KLHL12: variants seen among roughly 807,000 people sequenced by gnomAD.
The protein encoded by KLHL12 is kelch like family member 12, also known as kelch-like protein 12.
Under a neutral mutation model 60.8 loss-of-function variants are expected in KLHL12, and 17 were observed. The observed-to-expected ratio is 0.28, with a 90% CI of 0.19 to 0.42. The LOEUF (loss-of-function observed/expected upper bound fraction) is 0.42, where lower values mean the gene tolerates loss of function less well. KLHL12 is among the 10% of genes least tolerant of loss of function. KLHL12 has a pLI of 1.00. For missense variants in KLHL12, 468 were observed against 722.3 expected (o/e 0.65, Z 4.04); for synonymous variants, 220 against 250.9 (o/e 0.88, Z 1.16).
In KLHL12 at chr1:202,910,957, G is replaced by T. The variant is rs1660333188; in HGVS notation, c.717+97C>A. On this transcript the variant is annotated intron_variant, in intron 5 of 11. Coordinates refer to ENST00000367261, the MANE Select transcript of KLHL12 (RefSeq NM_021633.4). ...GCATTCCTAGAGAGGCAAAACAGGA[G>T]ACTCTGTGCCTACATTAAAATACTC... 6 of 1,356,510 alleles carry T rather than the reference G, an allele frequency of 4.4e-6. No homozygotes were observed. The Admixed American group carries it at 9.4e-5, about 21-fold the overall frequency. The allele number at this position is 1,356,510 out of a possible 1,614,324, so 84.0% of individuals were successfully genotyped here. A position where few individuals can be genotyped will look rare whatever the true frequency, so the allele number is the denominator to read the frequency against.
chr1:202,897,076 G>A lies in KLHL12; in HGVS notation c.833-116C>T, dbSNP rs1659857437. ...GATGTCTTGTTTTATGTGGCTGAGG[G>A]ATGCAATCCGAAATGGGAGATAATC... On this transcript the variant is annotated intron_variant, in intron 6 of 11. Coordinates refer to ENST00000367261, the MANE Select transcript of KLHL12 (RefSeq NM_021633.4). 3 of 788,528 alleles carry A rather than the reference G, an allele frequency of 3.8e-6. No individual in the cohort carries two copies. The African/African-American group carries it at 5.1e-5, about 13-fold the overall frequency. 48.8% of individuals were successfully genotyped at this position (788,528 alleles called of 1,614,324 possible).
intron 1 of KLHL12, 31 bp from the exon 2 acceptor site, chr1:202,925,238 A>C: frequency 6.3e-7 from 1 of 1,593,360 alleles, no homozygotes; most frequent in Non-Finnish European, 8.5e-7. Context: ...CAATGAGCAT[A>C]TTCAAAGAAC....
chr1:202,920,039 C>A (rs1010945619), intron 2 of KLHL12, 131 bp from the exon 3 acceptor site: 15 of 827,370 alleles, frequency 1.8e-5, no homozygotes, highest in Non-Finnish European at 2.6e-5. Context: ...ACAGGCCAGG[C>A]GTGGTGGCTC....
At chr1:202,918,432 G>A (rs374183317) in intron 3 of KLHL12, 44 bp from the exon 4 acceptor site, 752 of 1,436,640 alleles carry the variant, frequency 5.2e-4, no homozygotes, top group Non-Finnish European at 7.2e-4. Context: ...TAGTTGGACA[G>A]GTGTGATCTA....
intron 7 of KLHL12, among the ~76,000 whole-genome samples, chr1:202,896,510 G>A (rs550247475): frequency 6.6e-6 from 1 of 152,250 alleles, no homozygotes; most frequent in Admixed American, 6.5e-5. Flanking sequence ...GAGCTCAACT[G>A]AACACTGGGT....
intron 4 of KLHL12, chr1:202,912,602 G>A (rs1660399072): frequency 3.8e-6 from 5 of 1,320,978 alleles, no homozygotes; most frequent in Non-Finnish European, 4.3e-6. Flanking sequence ...CATGAAGGGA[G>A]GAAACTTTGG....
chr1:202,903,521 G>C (rs936915386), intron 6 of KLHL12, among the ~76,000 whole-genome samples: 1 of 146,422 alleles, frequency 6.8e-6, no homozygotes, highest in Non-Finnish European at 1.5e-5. Context: ...GTGCACTGGT[G>C]CAATTATGGT....
At chr1:202,920,369 A>ATTTTTGTTTTT (rs1660650547) in intron 2 of KLHL12, among the ~76,000 whole-genome samples, 1 of 83,806 alleles carries the variant, frequency 1.2e-5, no homozygotes, top group Non-Finnish European at 2.1e-5. Flanking sequence ...ATTTTGTTGG[A>ATTTTTGTTTTT]TTTTTTTTTT....
Position 202,907,865 on chromosome 1 carries a change from G to A in KLHL12, c.832+1145C>T, listed in dbSNP as rs373842247. Among the ~76,000 whole-genome samples, 40 of 151,408 alleles carry A rather than the reference G, an allele frequency of 2.6e-4. No homozygotes were observed. The South Asian group carries it at 5.2e-3, about 20-fold the overall frequency. ...TAAGGCTGCAGTGAACCGAGATCAC[G>A]CCACTGCACTCCACCCTGGGCAACA... On this transcript the variant is annotated intron_variant, in intron 6 of 11. Transcript: ENST00000367261.
chr1:202,927,117 C>T lies in KLHL12; in HGVS notation c.-74G>A, dbSNP rs1653608988. 1 of 985,512 alleles carries T rather than the reference C, an allele frequency of 1.0e-6. No individual in the cohort carries two copies. The highest frequency in any genetic ancestry group is 1.2e-6 in the Non-Finnish European group (1 of 830,042). The allele number at this position is 985,512 out of a possible 1,614,324, so 61.0% of individuals were successfully genotyped here. A position where few individuals can be genotyped will look rare whatever the true frequency, so the allele number is the denominator to read the frequency against. On this transcript the variant is annotated 5_prime_UTR_variant, in exon 1 of 12. Transcript: ENST00000367261. ...CGCTCCCGAACCCACACAGCCGCAC[C>T]GGGCCCGTCCCCAGCCTGTGGGGAT...
At position 202,919,926 on chromosome 1, in the gene KLHL12, A is replaced by G; in HGVS notation, c.196-18T>C. 8 of 1,607,408 alleles carry G rather than the reference A, an allele frequency of 5.0e-6. No homozygotes were observed. The highest frequency in any genetic ancestry group is 6.8e-6 in the Non-Finnish European group (8 of 1,174,560). On this transcript the variant is annotated intron_variant, in intron 2 of 11. Transcript: ENST00000367261. ...TCTGAGAGCTGAAAATTCAAAAGGT[A>G]TAAAAGAATGATGGTTATAATTCCA...
chr1:202,896,568 C>G (rs943286973), intron 7 of KLHL12, among the ~76,000 whole-genome samples: 2 of 152,174 alleles, frequency 1.3e-5, no homozygotes, highest in Non-Finnish European at 2.9e-5. Context: ...ACAGCACGAC[C>G]AATGAAATGT....
At chr1:202,924,885 C>A (rs1339329699) in intron 2 of KLHL12, 83 bp downstream of exon 2, 1 of 1,498,524 alleles carries the variant, frequency 6.7e-7, no homozygotes. Context: ...AAAATTATAT[C>A]AAACTTCCAC....
chr1:202,924,658 T>C (rs1653433375), intron 2 of KLHL12, among the ~76,000 whole-genome samples: 1 of 152,160 alleles, frequency 6.6e-6, no homozygotes, highest in Admixed American at 6.5e-5. Flanking sequence ...ATTTAAGAAA[T>C]AGTAAAATCC....
At position 202,893,977 on chromosome 1, in the gene KLHL12, C is replaced by A. The variant is rs1659753164; in HGVS notation, c.1393+207G>T. On this transcript the variant is annotated intron_variant, in intron 10 of 11. Coordinates refer to ENST00000367261, the MANE Select transcript of KLHL12 (RefSeq NM_021633.4). The surrounding 1 kb of genome is among the most constrained non-coding windows in gnomAD (Gnocchi z 4.1). ...GATATTCTAAAACGTAGGGAGAGAA[C>A]AAAGACATGAAGGCTTTTGCTTTCA... Among the ~76,000 whole-genome samples the A allele has an allele frequency of 6.6e-6, 1 of 152,108 alleles. No homozygotes were observed. Among genetic ancestry groups the A allele is most frequent in the African/African-American group, 2.4e-5 (1 of 41,400 alleles).
intron 2 of KLHL12, among the ~76,000 whole-genome samples, chr1:202,923,893 T>C (rs1211965108): frequency 6.7e-6 from 1 of 149,028 alleles, no homozygotes; most frequent in Non-Finnish European, 1.5e-5. Context: ...AAAAAACTTG[T>C]GCTTAAAAAG....
At chr1:202,894,102 C>T (rs888462157) in intron 10 of KLHL12, 82 bp downstream of exon 10, 10 of 728,320 alleles carry the variant, frequency 1.4e-5, no homozygotes, top group East Asian at 2.8e-5. Context: ...CATTAATCTA[C>T]GGTTTGTCCC....
At chr1:202,927,600 G>A (rs1204794697), upstream of KLHL12, among the ~76,000 whole-genome samples, 1 of 141,930 alleles carries the variant, frequency 7.0e-6, no homozygotes. Context: ...AGGATCACTT[G>A]AGCCAGGCAG....
chr1:202,894,364 A>G, intron 9 of KLHL12, 82 bp from the exon 10 acceptor site: 1 of 973,606 alleles, frequency 1.0e-6, no homozygotes, highest in Non-Finnish European at 1.6e-6. Flanking sequence ...TGCTTCAACT[A>G]ATTATTTTAG....
Sources: gnomAD v4.1 joint callset for allele counts (sites outside exome capture counted in the v4.1 genomes callset) on GRCh38, gnomAD v4.1.1 for gene constraint, Gnocchi (gnomAD v3.1) non-coding constraint, MANE v1.5 for transcripts, NCBI Gene and HGNC (gene_info 2026-07-23, HGNC 2026-07-21) for gene names.